Variants in TTC7A observed in about 807,000 individuals in gnomAD.
TTC7A encodes tetratricopeptide repeat protein 7A.
TTC7A carries 110 observed loss-of-function variants against 103.7 expected under a neutral mutation model. The ratio of observed to expected loss-of-function variants is 1.06; its 90% CI spans 0.91 to 1.24. The LOEUF (loss-of-function observed/expected upper bound fraction) is 1.24. Among genes scored for constraint, TTC7A ranks in the 50% most tolerant of loss-of-function variants. The pLI, the probability that TTC7A is intolerant of heterozygous loss-of-function variation, is 0.00. For synonymous variants in TTC7A, 521 were observed against 467.9 expected (o/e 1.11, Z -1.47); for missense variants, 1,340 against 1,116.3 (o/e 1.20, Z -2.86).
intron 15 of TTC7A, among the ~76,000 whole-genome samples, chr2:47,044,980 C>T (rs533811035): frequency 1.8e-4 from 27 of 152,318 alleles, no homozygotes; most frequent in African/African-American, 5.3e-4. Context: ...CTGCAGCCTT[C>T]GCAGTCTGGG....
chr2:46,963,024 A>G (rs1176965057), intron 3 of TTC7A, among the ~76,000 whole-genome samples: 1 of 152,218 alleles, frequency 6.6e-6, no homozygotes, highest in Non-Finnish European at 1.5e-5. Flanking sequence ...CCAGGCCTCA[A>G]GGGTCTGTCG....
chr2:47,071,382 C>G (rs1041478302), intron 19 of TTC7A, among the ~76,000 whole-genome samples: 5 of 152,192 alleles, frequency 3.3e-5, no homozygotes, highest in African/African-American at 4.8e-5. Context: ...CCACAGAGAG[C>G]CATGCCCTCT....
intron 2 of TTC7A, among the ~76,000 whole-genome samples, chr2:46,951,931 C>T (rs1325217277): frequency 6.6e-6 from 1 of 152,124 alleles, no homozygotes; most frequent in Admixed American, 6.5e-5. Flanking sequence ...GTGCTATCCA[C>T]GAGGAAGCAA....
chr2:46,924,848 G>A (rs765440075), intron 2 of TTC7A, among the ~76,000 whole-genome samples: 13 of 152,194 alleles, frequency 8.5e-5, no homozygotes, highest in African/African-American at 2.9e-4. Flanking sequence ...GGCTGGACTC[G>A]AGCTCTGGGC....
chr2:47,061,117 C>G (rs1683747649), intron 19 of TTC7A, 146 bp downstream of exon 19: 1 of 820,210 alleles, frequency 1.2e-6, no homozygotes. Flanking sequence ...GGGGGCTTCC[C>G]TCCTGCTCTG....
chr2:46,983,721 A>G (rs189926920), intron 5 of TTC7A, among the ~76,000 whole-genome samples: 23 of 152,360 alleles, frequency 1.5e-4, no homozygotes, highest in African/African-American at 5.3e-4. Context: ...TCATTTGCAT[A>G]TAATCTCACC....
intron 11 of TTC7A, among the ~76,000 whole-genome samples, chr2:47,012,447 C>G (rs1326369304): frequency 6.6e-6 from 1 of 152,194 alleles, no homozygotes; most frequent in Non-Finnish European, 1.5e-5. Flanking sequence ...TGGAGATGGC[C>G]TCCCTGTCTT....
chr2:46,993,078 G>A (rs1007877491), intron 5 of TTC7A, among the ~76,000 whole-genome samples: 2 of 152,250 alleles, frequency 1.3e-5, no homozygotes, highest in African/African-American at 4.8e-5. Context: ...ATCGGATACA[G>A]CAAGTGAAGC....
At chr2:46,993,330 C>T (rs577775748) in intron 5 of TTC7A, 120 bp from the exon 6 acceptor site, 10 of 890,106 alleles carry the variant, frequency 1.1e-5, no homozygotes, top group East Asian at 4.9e-5. Context: ...CTCCAGTTAT[C>T]GAATGTGTTC....
chr2:46,967,073 C>G (rs1010616908), intron 3 of TTC7A, among the ~76,000 whole-genome samples: 1 of 151,846 alleles, frequency 6.6e-6, no homozygotes, highest in Non-Finnish European at 1.5e-5. Flanking sequence ...ATTAGCCAGG[C>G]GTGGTGGCGC....
chr2:46,943,045 A>G (rs1044966470), intron 1 of TTC7A, among the ~76,000 whole-genome samples: 12 of 151,998 alleles, frequency 7.9e-5, no homozygotes, highest in Non-Finnish European at 1.3e-4. Flanking sequence ...AGCTGGGACT[A>G]CAGGTGCTGG....
At position 47,051,751 on chromosome 2, in the gene TTC7A, C is replaced by T. The variant is rs767059858; in HGVS notation, c.2023C>T (p.Arg675Trp). Reference sequence around the variant, plus strand: ...CGTGCCCTCTTGCTCTGCAGGCTCCCGGCGGGCTTCGTCCATCGCCGCCTC... The same window carrying T: ...CGTGCCCTCTTGCTCTGCAGGCTCCTGGCGGGCTTCGTCCATCGCCGCCTC... The part of the protein sequence containing the change: ...PDAHDADSGS[R>W]RASSIAASRL... Residue 675 changes from arginine (R) to tryptophan (W), a missense_variant, in exon 18 of 20, where the codon CGG becomes TGG. Physicochemically the swap from Arg to Trp is moderately radical, Grantham distance 101. Coordinates refer to ENST00000319190, the MANE Select transcript of TTC7A (RefSeq NM_020458.4). The T allele has an allele frequency of 6.8e-6, 11 of 1,609,386 alleles. No individual in the cohort carries two copies. The highest frequency in any genetic ancestry group is 3.3e-5 in the South Asian group (3 of 90,788).
At chr2:47,052,330 T>C (rs928871985) in intron 18 of TTC7A, among the ~76,000 whole-genome samples, 1 of 152,214 alleles carries the variant, frequency 6.6e-6, no homozygotes, top group African/African-American at 2.4e-5. Flanking sequence ...ACCAGGCGTC[T>C]GAAGGCCAGC....
chr2:47,005,388 C>A (rs115360269), intron 8 of TTC7A, among the ~76,000 whole-genome samples: 1 of 152,164 alleles, frequency 6.6e-6, no homozygotes, highest in African/African-American at 2.4e-5. Flanking sequence ...AGCCAAAACT[C>A]TTGCTGTAAT....
intron 5 of TTC7A, among the ~76,000 whole-genome samples, chr2:46,986,093 C>T (rs993622749): frequency 1.3e-5 from 2 of 152,178 alleles, no homozygotes; most frequent in Non-Finnish European, 2.9e-5. Context: ...AGTGGAGAAC[C>T]GCTGTCTTAG....
At chr2:46,963,008 C>T (rs1672523778) in intron 3 of TTC7A, among the ~76,000 whole-genome samples, 1 of 152,236 alleles carries the variant, frequency 6.6e-6, no homozygotes, top group Admixed American at 6.5e-5. Flanking sequence ...GTCCATGGAT[C>T]TAGATCCAGG....
chr2:46,927,108 G>A (rs947735501), intron 2 of TTC7A, among the ~76,000 whole-genome samples: 2 of 152,046 alleles, frequency 1.3e-5, no homozygotes, highest in African/African-American at 4.8e-5. Context: ...GAGTCACAGA[G>A]AATTCAGTGA....
intron 2 of TTC7A, 135 bp downstream of exon 2, chr2:46,950,661 C>T: frequency 1.1e-6 from 1 of 903,972 alleles, no homozygotes; most frequent in Non-Finnish European, 1.6e-6. Flanking sequence ...CTTACAGTAG[C>T]CACTGGCTGC....
In TTC7A at chr2:47,023,441, G is replaced by A. The variant is rs762902490; in HGVS notation, c.1544G>A (p.Arg515Gln). ...TLKSKQDELH[R>Q]KALQTLERAQ... ...AAGTCCAAGCAAGATGAATTGCACCGGAAGGCACTGCAGACGCTGGAGAGG... is the reference window on the plus strand; with the variant it reads ...AAGTCCAAGCAAGATGAATTGCACCAGAAGGCACTGCAGACGCTGGAGAGG... The change falls in exon 13 of 20, where the codon CGG becomes CAG. Residue 515 changes from arginine (R) to glutamine (Q), a missense_variant. Physicochemically the swap from Arg to Gln is conservative, Grantham distance 43 (BLOSUM62 1). Coordinates refer to ENST00000319190, the MANE Select transcript of TTC7A (RefSeq NM_020458.4). The A allele has an allele frequency of 3.5e-5, 56 of 1,614,000 alleles. No individual in the cohort carries two copies. The highest frequency in any genetic ancestry group is 3.3e-4 in the East Asian group (15 of 44,896).
Sources: allele counts gnomAD v4.1 joint callset (sites outside exome capture counted in the v4.1 genomes callset), GRCh38; gene constraint gnomAD v4.1.1; transcripts MANE v1.5; gene names NCBI Gene and HGNC (gene_info 2026-07-23, HGNC 2026-07-21).